The following C3orf70 variants were observed in gnomAD, a reference collection of about 807,000 sequenced individuals.
C3orf70 encodes the protein chromosome 3 open reading frame 70.
C3orf70 carries 15 observed loss-of-function variants against 20.7 expected under a neutral mutation model. That is an observed-to-expected ratio of 0.72 (90% CI 0.48 to 1.11). The LOEUF (loss-of-function observed/expected upper bound fraction) is 1.11. Among genes scored for constraint, C3orf70 ranks in the 50% most tolerant of loss-of-function variants. The pLI is 0.00. For synonymous variants in C3orf70, 161 were observed against 125.7 expected (o/e 1.28, Z -1.88); for missense variants, 332 against 317.6 (o/e 1.05, Z -0.34).
intron 1 of C3orf70, among the ~76,000 whole-genome samples, chr3:185,094,019 C>T (rs1439030127): frequency 6.7e-6 from 1 of 150,236 alleles, no homozygotes; most frequent in African/African-American, 2.5e-5. Flanking sequence ...TAAATCCTCT[C>T]TAGATTATAG....
At chr3:185,091,125 A>C (rs1032822672) in intron 1 of C3orf70, among the ~76,000 whole-genome samples, 1 of 152,196 alleles carries the variant, frequency 6.6e-6, no homozygotes, top group Non-Finnish European at 1.5e-5. Context: ...TTTCAGATAG[A>C]TACAGAAGAT....
intron 1 of C3orf70, among the ~76,000 whole-genome samples, chr3:185,145,866 T>C (rs1236005213): frequency 6.6e-6 from 1 of 152,270 alleles, no homozygotes; most frequent in Non-Finnish European, 1.5e-5. Context: ...GTGTTATTTG[T>C]TATTGTTGAA....
intron 1 of C3orf70, among the ~76,000 whole-genome samples, chr3:185,116,577 A>T (rs1027332129): frequency 3.3e-5 from 5 of 152,190 alleles, no homozygotes; most frequent in Admixed American, 6.5e-5. Context: ...TCCAGTTGTG[A>T]CAACCAAAAA....
intron 1 of C3orf70, among the ~76,000 whole-genome samples, chr3:185,087,765 T>C (rs1448647900): frequency 1.3e-5 from 2 of 152,160 alleles, no homozygotes; most frequent in Non-Finnish European, 2.9e-5. Flanking sequence ...ATAAATGGAC[T>C]TAACACCACT....
intron 1 of C3orf70, among the ~76,000 whole-genome samples, chr3:185,093,381 C>G (rs539711972): frequency 2.4e-4 from 37 of 152,326 alleles, no homozygotes; most frequent in African/African-American, 8.9e-4. Context: ...GAATTCACAA[C>G]AGCCAATCTG....
chr3:185,148,133 TAC>T (rs1716914239), intron 1 of C3orf70, among the ~76,000 whole-genome samples: 1 of 152,254 alleles, frequency 6.6e-6, no homozygotes, highest in African/African-American at 2.4e-5. Context: ...CTTCTCACGC[TAC>T]AGTCTCTCCC....
At chr3:185,095,957 G>A (rs375805402) in intron 1 of C3orf70, among the ~76,000 whole-genome samples, 5 of 151,902 alleles carry the variant, frequency 3.3e-5, no homozygotes, top group Non-Finnish European at 5.9e-5. Context: ...GGATGGTCTC[G>A]ATCTCCTGAC....
At chr3:185,090,022 T>G (rs1222492803) in intron 1 of C3orf70, among the ~76,000 whole-genome samples, 1 of 152,228 alleles carries the variant, frequency 6.6e-6, no homozygotes, top group Non-Finnish European at 1.5e-5. Flanking sequence ...AAAGAGTTAT[T>G]ACATTCTCAA....
At chr3:185,117,409 CCACACACATACACA>C (rs1716197030) in intron 1 of C3orf70, among the ~76,000 whole-genome samples, 1 of 140,268 alleles carries the variant, frequency 7.1e-6, no homozygotes, top group Non-Finnish European at 1.5e-5. Flanking sequence ...CATTTGTGTA[CCACACACATACACA>C]CACACACACA....
intron 1 of C3orf70, among the ~76,000 whole-genome samples, chr3:185,087,913 ATTTT>A (rs10714484): frequency 1.5e-5 from 2 of 134,490 alleles, no homozygotes; most frequent in Non-Finnish European, 1.6e-5. Flanking sequence ...AGTTTTATAC[ATTTT>A]TTTTTTTTTT....
At chr3:185,098,456 T>A (rs1715755153) in intron 1 of C3orf70, among the ~76,000 whole-genome samples, 1 of 152,170 alleles carries the variant, frequency 6.6e-6, no homozygotes, top group Admixed American at 6.5e-5. Flanking sequence ...ATTACTTTGG[T>A]CTGGAATACA....
chr3:185,152,331 G>GA (rs1020038854), intron 1 of C3orf70, among the ~76,000 whole-genome samples: 2 of 151,976 alleles, frequency 1.3e-5, no homozygotes, highest in African/African-American at 2.4e-5. Flanking sequence ...AAAAAGAAAA[G>GA]AAAAAAAACC....
chr3:185,094,080 T>G (rs1042748611), intron 1 of C3orf70, among the ~76,000 whole-genome samples: 79 of 140,664 alleles, frequency 5.6e-4, no homozygotes, highest in Non-Finnish European at 1.0e-3. Context: ...TGGGGTTTTT[T>G]TTTTTTTTTT....
At position 185,078,967 on chromosome 3, in the gene C3orf70, T is replaced by C. The variant is rs780465519; in HGVS notation, c.*4040A>G. On this transcript the variant is annotated 3_prime_UTR_variant, in exon 2 of 2. Transcript: ENST00000335012. ...CCCAAAATACTTGTGATGGTTCAAA[T>C]AGACCAAGAAGTGGAGGATTAGAAG... is the stretch of plus-strand genomic sequence containing the variant. 8 of 152,030 alleles carry C rather than the reference T, an allele frequency of 5.3e-5. No individual in the cohort carries two copies. Among genetic ancestry groups the C allele is most frequent in the African/African-American group, 9.7e-5 (4 of 41,386 alleles). 9.4% of individuals were successfully genotyped at this position (152,030 alleles called of 1,614,324 possible).
At chr3:185,094,708 A>G (rs1449505448) in intron 1 of C3orf70, among the ~76,000 whole-genome samples, 1 of 152,162 alleles carries the variant, frequency 6.6e-6, no homozygotes. Flanking sequence ...AGGTGGCCAA[A>G]TAAGGGTTTC....
At position 185,141,473 on chromosome 3, in the gene C3orf70, G is replaced by A. The variant is rs939495345; in HGVS notation, c.196+11155C>T. On this transcript the variant is annotated intron_variant, in intron 1 of 1. Transcript: ENST00000335012. ...AGAAAACTGTATAAAAATGTTTACA[G>A]CAGATTTATTTATAATAACTAAAAA... 2.0e-5 allele frequency among the ~76,000 whole-genome samples: 3 copies of A among 152,152 alleles called. No homozygotes were observed. In the South Asian group the frequency reaches 6.2e-4, roughly 32 times the overall value.
intron 1 of C3orf70, among the ~76,000 whole-genome samples, chr3:185,129,196 C>A (rs1716478486): frequency 1.3e-5 from 2 of 152,122 alleles, no homozygotes; most frequent in Non-Finnish European, 2.9e-5. Flanking sequence ...GCACAGTACC[C>A]AACAGGTAGT....
At chr3:185,103,088 T>TA (rs1715854117) in intron 1 of C3orf70, among the ~76,000 whole-genome samples, 1 of 151,746 alleles carries the variant, frequency 6.6e-6, no homozygotes, top group Admixed American at 6.6e-5. Flanking sequence ...CTACTAAAAA[T>TA]ACAAAAATTA....
intron 1 of C3orf70, among the ~76,000 whole-genome samples, chr3:185,086,114 G>C (rs528192495): frequency 6.6e-6 from 1 of 152,286 alleles, no homozygotes; most frequent in East Asian, 1.9e-4. Context: ...CTCAGATCCA[G>C]AGGGAACAAG....
Sources: allele counts gnomAD v4.1 joint callset (sites outside exome capture counted in the v4.1 genomes callset), GRCh38; gene constraint gnomAD v4.1.1; transcripts MANE v1.5; gene names NCBI Gene and HGNC (gene_info 2026-07-23, HGNC 2026-07-21).